Variants in ASB11 observed in about 807,000 individuals in gnomAD.
ASB11 encodes the protein ankyrin repeat and SOCS box protein 11.
Under a neutral mutation model 20.1 loss-of-function variants are expected in ASB11, and 17 were observed. The observed-to-expected ratio is 0.85, with a 90% confidence interval of 0.58 to 1.27. The LOEUF is 1.27. Among genes scored for constraint, ASB11 ranks in the 50% most tolerant of loss-of-function variants. ASB11 has a pLI of 0.00. For synonymous variants in ASB11, 107 were observed against 105.6 expected (o/e 1.01, Z -0.08); for missense variants, 259 against 256.9 (o/e 1.01, Z -0.06).
In ASB11 at chrX:15,283,501, A is replaced by C; in HGVS notation, c.*4T>G. On this transcript the variant is annotated 3_prime_UTR_variant, in exon 7 of 7. Coordinates refer to ENST00000480796, the MANE Select transcript of ASB11 (RefSeq NM_080873.3). Reference sequence around the variant, plus strand: ...TCCAAGTATCTTCCCAGGAACACTTAGGACTATTGGTATAGGAGGAATCGT... The same window carrying C: ...TCCAAGTATCTTCCCAGGAACACTTCGGACTATTGGTATAGGAGGAATCGT... 1 of 1,211,233 alleles carries C rather than the reference A, an allele frequency of 8.3e-7. No homozygotes were observed.
chrX:15,306,223 T>C (rs1284284026), intron 1 of ASB11, among the ~76,000 whole-genome samples: 1 of 112,483 alleles, frequency 8.9e-6, no homozygotes, highest in Non-Finnish European at 1.9e-5. Flanking sequence ...ATTAGTGCTG[T>C]AATGAACATA....
At chrX:15,299,539 T>C (rs1227281257) in intron 2 of ASB11, among the ~76,000 whole-genome samples, 1 of 111,159 alleles carries the variant, frequency 9.0e-6, no homozygotes, top group Non-Finnish European at 1.9e-5. Context: ...AGATTGTAAA[T>C]GTTTCTTATC....
chrX:15,301,258 C>T (rs1164968829), intron 2 of ASB11, among the ~76,000 whole-genome samples: 2 of 111,918 alleles, frequency 1.8e-5, no homozygotes, highest in Non-Finnish European at 1.9e-5. Context: ...CCACCACATC[C>T]GGCCAGTCCA....
At chrX:15,291,979 G>C (rs963895850) in intron 4 of ASB11, 1 of 104,153 alleles carries the variant, frequency 9.6e-6, no homozygotes, top group Admixed American at 1.1e-4. Flanking sequence ...AGGTTGCAAT[G>C]AGCAGAAATC....
At chrX:15,313,077 C>T (rs376007321) in intron 1 of ASB11, among the ~76,000 whole-genome samples, 8 of 111,495 alleles carry the variant, frequency 7.2e-5, no homozygotes, top group Admixed American at 1.9e-4. Flanking sequence ...CTGGTCCAGG[C>T]ATGTTACTGC....
At chrX:15,297,285 T>C (rs1920974397) in intron 3 of ASB11, among the ~76,000 whole-genome samples, 1 of 109,784 alleles carries the variant, frequency 9.1e-6, no homozygotes, top group Admixed American at 9.6e-5. Flanking sequence ...TGAGACTCCG[T>C]CTCAAAAACA....
chrX:15,284,150 G>A (rs1927290467), intron 6 of ASB11, among the ~76,000 whole-genome samples: 2 of 106,351 alleles, frequency 1.9e-5, no homozygotes, highest in Admixed American at 1.0e-4. Context: ...TACTCGGGAG[G>A]CTGAGGCAGG....
chrX:15,286,663 C>CAAAAAAAAAAAAAAAAAAAAAAA (rs764801887), intron 6 of ASB11, among the ~76,000 whole-genome samples: 4 of 54,377 alleles, frequency 7.4e-5, no homozygotes, highest in African/African-American at 3.1e-4. Context: ...GACTCCATCT[C>CAAAAAAAAAAAAAAAAAAAAAAA]AAAAAAAAAA....
intron 1 of ASB11, among the ~76,000 whole-genome samples, chrX:15,311,137 G>C (rs1048592067): frequency 8.9e-6 from 1 of 112,731 alleles, no homozygotes; most frequent in Non-Finnish European, 1.9e-5. Flanking sequence ...AGGTAACTGG[G>C]AAAATAGAAT....
chrX:15,284,266 A>AG lies in ASB11; in HGVS notation c.848-638_848-637insC, dbSNP rs1374810066. ...GACTCCGCCTCAAAAAAAAAAAAAA[A>AG]AAAAGAAAGAAAGAAAGAAAGTAAT... On this transcript the variant is annotated intron_variant, in intron 6 of 6. Coordinates refer to ENST00000480796, the MANE Select transcript of ASB11 (RefSeq NM_080873.3). 7.1e-4 allele frequency among the ~76,000 whole-genome samples: 76 copies of AG among 107,377 alleles called. No homozygotes were observed. In the South Asian group the frequency reaches 7.8e-3, roughly 11 times the overall value. The allele number at this position is 107,377 out of a possible 115,157, so 93.2% of individuals were successfully genotyped here.
intron 1 of ASB11, 95 bp downstream of exon 1, chrX:15,315,330 G>C: frequency 1.3e-6 from 1 of 785,008 alleles, no homozygotes; most frequent in East Asian, 3.8e-5. Context: ...TAAAATCAAA[G>C]TATAAATATA....
At chrX:15,312,009 G>C (rs976587015) in intron 1 of ASB11, among the ~76,000 whole-genome samples, 18 of 110,723 alleles carry the variant, frequency 1.6e-4, no homozygotes, top group African/African-American at 4.9e-4. Context: ...ATGAATAACA[G>C]ATGATCAATC....
intron 5 of ASB11, among the ~76,000 whole-genome samples, chrX:15,288,314 C>A (rs1237909853): frequency 1.8e-5 from 2 of 111,810 alleles, no homozygotes; most frequent in Non-Finnish European, 3.8e-5. Flanking sequence ...CCCGTATAAA[C>A]TGTGTGGCAT....
chrX:15,296,525 G>T (rs1404614925), intron 3 of ASB11, among the ~76,000 whole-genome samples: 1 of 111,752 alleles, frequency 8.9e-6, no homozygotes, highest in South Asian at 3.7e-4. Flanking sequence ...GTGATTTTAT[G>T]ATTCTATTCT....
intron 6 of ASB11, 55 bp downstream of exon 6, chrX:15,287,826 G>A: frequency 8.9e-7 from 1 of 1,124,076 alleles, no homozygotes; most frequent in Non-Finnish European, 1.2e-6. Context: ...AGATGAGACA[G>A]GAAGGGGAGA....
Position 15,315,475 on chromosome X carries a change from T to C in ASB11, c.131A>G (p.Asn44Ser). The stretch of plus-strand genomic sequence containing the variant: ...TGCTATCCTAGCCGCTTCTTTTCTA[T>C]TTCCTTTGACGATATAGAAATGGGT... ...LLTHFYIVKG[N>S]RKEAARIAEE... Residue 44 changes from asparagine (N) to serine (S), a missense_variant, in exon 1 of 7, where the codon AAT (asparagine) becomes AGT (serine). Physicochemically the swap from Asn to Ser is conservative, Grantham distance 46 (BLOSUM62 1). Coordinates refer to ENST00000480796, the MANE Select transcript of ASB11 (RefSeq NM_080873.3). 8.6e-7 allele frequency: 1 copy of C among 1,159,593 alleles called. No individual in the cohort carries two copies. Among genetic ancestry groups the C allele is most frequent in the Non-Finnish European group, 1.1e-6 (1 of 874,009 alleles).
intron 3 of ASB11, among the ~76,000 whole-genome samples, chrX:15,297,289 A>G (rs761030009): frequency 9.0e-6 from 1 of 111,496 alleles, no homozygotes; most frequent in East Asian, 2.8e-4. Context: ...ACTCCGTCTC[A>G]AAAACAAAAC....
intron 3 of ASB11, 109 bp downstream of exon 3, chrX:15,297,465 A>C (rs1240850435): frequency 5.1e-6 from 3 of 589,058 alleles, no homozygotes; most frequent in Non-Finnish European, 7.9e-6. Context: ...GGATAGAACC[A>C]GCCCAGCCCT....
chrX:15,287,197 A>G (rs938955884), intron 6 of ASB11, among the ~76,000 whole-genome samples: 2 of 112,314 alleles, frequency 1.8e-5, no homozygotes, highest in Admixed American at 1.9e-4. Context: ...ACAGACTCTG[A>G]CTCAAGTCTT....
Sources: gnomAD v4.1 joint callset for allele counts (sites outside exome capture counted in the v4.1 genomes callset) on GRCh38, gnomAD v4.1.1 for gene constraint, MANE v1.5 for transcripts, NCBI Gene and HGNC (gene_info 2026-07-23, HGNC 2026-07-21) for gene names.